Variants in IPO11 observed in about 807,000 individuals in gnomAD.
The protein encoded by IPO11 is importin 11.
IPO11 carries 66 observed loss-of-function variants against 143.2 expected under a neutral mutation model. The observed-to-expected ratio is 0.46, with a 90% CI of 0.38 to 0.57. The LOEUF is 0.57. Among genes scored for constraint, IPO11 ranks in the 20% least tolerant of loss-of-function variants. The probability of loss-of-function intolerance (pLI) is 0.00; values close to 1 mark genes in which losing one functional copy is unlikely to be tolerated. For missense variants in IPO11, 1,026 were observed against 1,141.0 expected (o/e 0.90, Z 1.45); for synonymous variants, 385 against 377.8 (o/e 1.02, Z -0.22).
At chr5:62,532,541 A>G (rs1344334272) in intron 22 of IPO11, among the ~76,000 whole-genome samples, 3 of 152,042 alleles carry the variant, frequency 2.0e-5, no homozygotes, top group Non-Finnish European at 4.4e-5. Context: ...TATTTTTAGT[A>G]GTGATGGGGT....
rs532038522 is a variant in IPO11, at chr5:62,597,156, A to G, written c.2679-4608A>G. On this transcript the variant is annotated intron_variant, in intron 28 of 29. Coordinates refer to ENST00000325324, the MANE Select transcript of IPO11 (RefSeq NM_016338.5). ...CACATGCTCATTATAACAGAAAACTATTAACATAGGATTGAAGGGATTTAA... is the reference window on the plus strand; with the variant it reads ...CACATGCTCATTATAACAGAAAACTGTTAACATAGGATTGAAGGGATTTAA... Among the ~76,000 whole-genome samples the G allele has an allele frequency of 3.3e-5, 5 of 152,308 alleles. No individual in the cohort carries two copies. In the East Asian group the frequency reaches 7.7e-4, roughly 24 times the overall value.
chr5:62,460,635 A>T (rs1413164612), intron 5 of IPO11, among the ~76,000 whole-genome samples: 2 of 152,210 alleles, frequency 1.3e-5, no homozygotes, highest in Non-Finnish European at 2.9e-5. Context: ...CTTTGGAGTC[A>T]AGGCTTTGGG....
intron 27 of IPO11, among the ~76,000 whole-genome samples, chr5:62,590,651 G>A (rs193165312): frequency 3.3e-5 from 5 of 152,190 alleles, no homozygotes; most frequent in African/African-American, 1.2e-4. Context: ...ATTTTGAAAA[G>A]TTAATTGAAA....
At chr5:62,577,563 A>G (rs542966844) in intron 27 of IPO11, among the ~76,000 whole-genome samples, 128 of 152,250 alleles carry the variant, frequency 8.4e-4, no homozygotes, top group African/African-American at 2.9e-3. Context: ...GACCTGAGAA[A>G]CATAGCCCCT....
At chr5:62,547,551 T>C (rs553366043) in intron 24 of IPO11, among the ~76,000 whole-genome samples, 1 of 152,280 alleles carries the variant, frequency 6.6e-6, no homozygotes, top group South Asian at 2.1e-4. Context: ...CTGATAATGG[T>C]ATTTTTCTTT....
chr5:62,518,842 C>T (rs747980770), intron 20 of IPO11, among the ~76,000 whole-genome samples: 12 of 152,048 alleles, frequency 7.9e-5, no homozygotes, highest in South Asian at 2.1e-4. Context: ...TTCGTTCATA[C>T]GCTAAACATT....
chr5:62,545,812 GAA>G (rs1743152765), intron 24 of IPO11, among the ~76,000 whole-genome samples: 1 of 152,176 alleles, frequency 6.6e-6, no homozygotes, highest in African/African-American at 2.4e-5. Flanking sequence ...CTTCTCAAAA[GAA>G]GACATTTATG....
chr5:62,417,321 A>AT (rs34767317), intron 1 of IPO11, among the ~76,000 whole-genome samples: 15,743 of 65,198 alleles, frequency 0.24, 3,235 homozygotes, highest in East Asian at 0.34. Flanking sequence ...TTATTGGTTA[A>AT]TTTTTTTTTT....
At position 62,430,293 on chromosome 5, in the gene IPO11, A is replaced by G. The variant is rs116295347; in HGVS notation, c.-6-6981A>G. Among the ~76,000 whole-genome samples the G allele has an allele frequency of 7.2e-3, 1,101 of 152,298 alleles. 13 individuals carry two copies. The highest frequency in any genetic ancestry group is 0.025 in the African/African-American group (1,037 of 41,558). ...TCGCTGTTTTACATTTGCACCAGCA[A>G]TGCATGAGGGTTGCAGTTTCTCCTT... On this transcript the variant is annotated intron_variant, in intron 1 of 29. Transcript: ENST00000325324.
chr5:62,471,678 C>T (rs1020755695), intron 7 of IPO11, among the ~76,000 whole-genome samples: 5 of 152,014 alleles, frequency 3.3e-5, no homozygotes, highest in East Asian at 1.9e-4. Context: ...TTTCCATTGT[C>T]AGTTATATTG....
intron 16 of IPO11, among the ~76,000 whole-genome samples, chr5:62,501,912 A>G (rs770000948): frequency 1.3e-5 from 2 of 152,078 alleles, no homozygotes; most frequent in Non-Finnish European, 2.9e-5. Context: ...AGATACTGCC[A>G]TTTCTTTCTG....
Position 62,628,483 on chromosome 5 carries a change from C to T in IPO11, c.*1165C>T, listed in dbSNP as rs922176085. On this transcript the variant is annotated 3_prime_UTR_variant, in exon 30 of 30. Transcript: ENST00000325324. ...TATGTAACTGCGGGAAACCCACTGCCCCTTTGTAAGCTGTGGAACCCAAAC... is the reference window on the plus strand; with the variant it reads ...TATGTAACTGCGGGAAACCCACTGCTCCTTTGTAAGCTGTGGAACCCAAAC... 1 of 152,514 alleles carries T rather than the reference C, an allele frequency of 6.6e-6. No homozygotes were observed. The highest frequency in any genetic ancestry group is 1.5e-5 in the Non-Finnish European group (1 of 68,018). The allele number at this position is 152,514 out of a possible 1,614,324, so 9.4% of individuals were successfully genotyped here.
intron 20 of IPO11, among the ~76,000 whole-genome samples, chr5:62,517,603 A>G (rs956965201): frequency 1.4e-4 from 22 of 152,222 alleles, no homozygotes; most frequent in Non-Finnish European, 2.8e-4. Flanking sequence ...GGGTTTCTCC[A>G]TGTTGGTCAG....
At chr5:62,609,364 A>G (rs1745847569) in intron 29 of IPO11, among the ~76,000 whole-genome samples, 1 of 152,222 alleles carries the variant, frequency 6.6e-6, no homozygotes, top group Non-Finnish European at 1.5e-5. Flanking sequence ...TCACCAGCAC[A>G]AAAAGAAACA....
In IPO11 at chr5:62,474,471, A is replaced by G; in HGVS notation, c.757+7A>G. ...AAACAGTTTCTGGAATGCAGTAAGTACTTTCGTTGCAGTCCTTTTTACTGT... is the reference window on the plus strand; with the variant it reads ...AAACAGTTTCTGGAATGCAGTAAGTGCTTTCGTTGCAGTCCTTTTTACTGT... On this transcript the variant is annotated splice_region_variant and intron_variant, in intron 8 of 29. Transcript: ENST00000325324. The G allele has an allele frequency of 6.4e-7, 1 of 1,574,402 alleles. No individual in the cohort carries two copies.
intron 24 of IPO11, among the ~76,000 whole-genome samples, chr5:62,543,845 A>G (rs1382727019): frequency 6.6e-6 from 1 of 151,408 alleles, no homozygotes. Flanking sequence ...TTCTGTCTAC[A>G]CGCTGCTTTA....
intron 29 of IPO11, among the ~76,000 whole-genome samples, chr5:62,623,202 A>G (rs1300380481): frequency 6.6e-6 from 1 of 152,262 alleles, no homozygotes; most frequent in Non-Finnish European, 1.5e-5. Context: ...TTTGAAGACC[A>G]CATGGTTAAA....
At chr5:62,439,584 G>T (rs1744386206) in intron 2 of IPO11, among the ~76,000 whole-genome samples, 1 of 151,288 alleles carries the variant, frequency 6.6e-6, no homozygotes, top group Non-Finnish European at 1.5e-5. Flanking sequence ...ACTGCGCCTG[G>T]CCCAGTCTTT....
At chr5:62,456,965 A>G (rs1468638889) in intron 5 of IPO11, among the ~76,000 whole-genome samples, 1 of 151,896 alleles carries the variant, frequency 6.6e-6, no homozygotes, top group Non-Finnish European at 1.5e-5. Flanking sequence ...CTGTAATCCC[A>G]CCTACTCGGG....
Sources: allele counts gnomAD v4.1 joint callset (sites outside exome capture counted in the v4.1 genomes callset), GRCh38; gene constraint gnomAD v4.1.1; transcripts MANE v1.5; gene names NCBI Gene and HGNC (gene_info 2026-07-23, HGNC 2026-07-21).